The following FHIT variants were observed in gnomAD, a reference collection of about 807,000 sequenced individuals.
FHIT encodes the protein fragile histidine triad diadenosine triphosphatase, also known as bis(5'-adenosyl)-triphosphatase.
Under a neutral mutation model 17.9 loss-of-function variants are expected in FHIT, and 19 were observed. The ratio of observed to expected loss-of-function variants is 1.06; its 90% CI spans 0.74 to 1.56. The LOEUF (loss-of-function observed/expected upper bound fraction) is 1.56, where lower values mean the gene tolerates loss of function less well. Ranked by LOEUF, FHIT falls within the 40% of genes most tolerant of loss-of-function variation. The pLI is 0.00. For synonymous variants in FHIT, 81 were observed against 69.7 expected (o/e 1.16, Z -0.81); for missense variants, 248 against 189.2 (o/e 1.31, Z -1.82).
At chr3:60,472,066 G>A (rs1344198736) in intron 5 of FHIT, among the ~76,000 whole-genome samples, 1 of 151,768 alleles carries the variant, frequency 6.6e-6, no homozygotes, top group Non-Finnish European at 1.5e-5. Context: ...CACTATTCAA[G>A]TGATGGGTAC....
At chr3:59,823,797 A>G (rs1314751863) in intron 8 of FHIT, among the ~76,000 whole-genome samples, 1 of 152,178 alleles carries the variant, frequency 6.6e-6, no homozygotes, top group Non-Finnish European at 1.5e-5. Context: ...CAAGACAAGG[A>G]TGCCCTCTGT....
At chr3:60,164,331 A>G (rs1701063391) in intron 5 of FHIT, among the ~76,000 whole-genome samples, 1 of 152,170 alleles carries the variant, frequency 6.6e-6, no homozygotes, top group African/African-American at 2.4e-5. Flanking sequence ...GCAGGGCCCT[A>G]ATTAAAAGAA....
At chr3:60,009,291 A>T (rs1387592830) in intron 7 of FHIT, among the ~76,000 whole-genome samples, 1 of 151,228 alleles carries the variant, frequency 6.6e-6, no homozygotes, top group African/African-American at 2.4e-5. Context: ...CCATTATTTC[A>T]TATCAGGAAA....
At chr3:60,165,656 A>G (rs1701140462) in intron 5 of FHIT, among the ~76,000 whole-genome samples, 1 of 152,166 alleles carries the variant, frequency 6.6e-6, no homozygotes, top group Non-Finnish European at 1.5e-5. Flanking sequence ...TCTTTGCTCA[A>G]ATAAGCAAAG....
intron 8 of FHIT, among the ~76,000 whole-genome samples, chr3:59,776,952 C>G (rs9817691): frequency 0.29 from 44,641 of 152,042 alleles, 6,930 homozygotes; most frequent in East Asian, 0.55. Context: ...CATGTTCATT[C>G]CATGCCCTCC....
At position 60,358,690 on chromosome 3, in the gene FHIT, C is replaced by T. The variant is rs981217107; in HGVS notation, c.103+178170G>A. On this transcript the variant is annotated intron_variant, in intron 5 of 9. Transcript: ENST00000492590. ...ATACAACATGGTAGGTCTATACTTTCTAGTGCTTATCCATTTCTCTGCCAG... is the reference window on the plus strand; with the variant it reads ...ATACAACATGGTAGGTCTATACTTTTTAGTGCTTATCCATTTCTCTGCCAG... Among the ~76,000 whole-genome samples the T allele has an allele frequency of 5.3e-5, 8 of 152,170 alleles. No individual in the cohort carries two copies. The East Asian group carries it at 1.5e-3, about 29-fold the overall frequency.
intron 2 of FHIT, among the ~76,000 whole-genome samples, chr3:61,165,029 T>C (rs1036031470): frequency 6.6e-6 from 1 of 152,368 alleles, no homozygotes; most frequent in Admixed American, 6.5e-5. Flanking sequence ...ATTTTCTATA[T>C]CCAATCCACC....
intron 8 of FHIT, among the ~76,000 whole-genome samples, chr3:59,810,951 G>C (rs1700387192): frequency 6.6e-6 from 1 of 152,238 alleles, no homozygotes; most frequent in Non-Finnish European, 1.5e-5. Context: ...TCTGTTGAAA[G>C]TGGAATACTA....
chr3:59,937,531 G>C (rs918362919), intron 7 of FHIT, among the ~76,000 whole-genome samples: 1 of 152,102 alleles, frequency 6.6e-6, no homozygotes, highest in African/African-American at 2.4e-5. Context: ...AATATCTCTG[G>C]GCCCACGTGC....
chr3:60,209,466 C>T (rs1469055669), intron 5 of FHIT, among the ~76,000 whole-genome samples: 1 of 152,146 alleles, frequency 6.6e-6, no homozygotes, highest in Admixed American at 6.5e-5. Context: ...CTTCCTCTCA[C>T]CATCTCACCA....
At chr3:59,777,579 A>G (rs1378813360) in intron 8 of FHIT, among the ~76,000 whole-genome samples, 1 of 152,130 alleles carries the variant, frequency 6.6e-6, no homozygotes. Context: ...CCACTATATC[A>G]TCTCTGATAT....
intron 9 of FHIT, 59 bp from the exon 10 acceptor site, chr3:59,749,638 G>C (rs1700775740): frequency 4.3e-6 from 1 of 230,444 alleles, no homozygotes; most frequent in Non-Finnish European, 8.6e-6. Context: ...AATCTTCTCT[G>C]TAGGAACAAT....
intron 4 of FHIT, among the ~76,000 whole-genome samples, chr3:60,561,948 CAGAG>C (rs59030549): frequency 2.0e-5 from 3 of 150,958 alleles, no homozygotes; most frequent in East Asian, 1.9e-4. Flanking sequence ...AAGAGAGAAA[CAGAG>C]AGAGAGAGAG....
intron 5 of FHIT, among the ~76,000 whole-genome samples, chr3:60,254,354 G>A (rs551842396): frequency 7.0e-4 from 106 of 152,082 alleles, no homozygotes; most frequent in Non-Finnish European, 1.3e-3. Context: ...AATAAGAAAT[G>A]AAGTGCTGAA....
At chr3:60,585,965 A>G (rs1367160260) in intron 4 of FHIT, among the ~76,000 whole-genome samples, 9 of 152,018 alleles carry the variant, frequency 5.9e-5, no homozygotes, top group African/African-American at 2.2e-4. Flanking sequence ...GCATTAGAAC[A>G]TACAGTATTA....
chr3:59,776,932 A>T (rs918557988), intron 8 of FHIT, among the ~76,000 whole-genome samples: 3 of 151,880 alleles, frequency 2.0e-5, no homozygotes. Flanking sequence ...TTAACCTATA[A>T]CTCCTGTTCC....
chr3:59,779,556 A>C (rs59789315), intron 8 of FHIT, among the ~76,000 whole-genome samples: 5,738 of 152,296 alleles, frequency 0.038, 149 homozygotes, highest in South Asian at 0.09. Flanking sequence ...TATGCCTTCC[A>C]TTCATGAAAA....
At chr3:61,022,626 C>T (rs1370771853) in intron 3 of FHIT, among the ~76,000 whole-genome samples, 2 of 152,124 alleles carry the variant, frequency 1.3e-5, no homozygotes, top group Non-Finnish European at 1.5e-5. Flanking sequence ...TACAGCAGCA[C>T]ATCAAAAAGC....
intron 3 of FHIT, among the ~76,000 whole-genome samples, chr3:60,894,148 C>T (rs1705663187): frequency 1.3e-5 from 2 of 152,132 alleles, no homozygotes; most frequent in African/African-American, 2.4e-5. Context: ...TATCTGGCAT[C>T]TGAAACAAAA....
Sources: allele counts gnomAD v4.1 joint callset (sites outside exome capture counted in the v4.1 genomes callset), GRCh38; gene constraint gnomAD v4.1.1; transcripts MANE v1.5; gene names NCBI Gene and HGNC (gene_info 2026-07-23, HGNC 2026-07-21).